MALRD1: variants seen among roughly 807,000 people sequenced by gnomAD.
The protein encoded by MALRD1 is MAM and LDL-receptor class A domain-containing protein 1.
In MALRD1, 247 loss-of-function variants were observed where a neutral mutation model predicts 242.1. That is an observed-to-expected ratio of 1.02 (90% confidence interval 0.92 to 1.13). The LOEUF (loss-of-function observed/expected upper bound fraction) is 1.13, where lower values mean the gene tolerates loss of function less well. Ranked by LOEUF, MALRD1 falls within the 50% of genes most tolerant of loss-of-function variation. MALRD1 has a pLI of 0.00. For synonymous variants in MALRD1, 995 were observed against 866.6 expected (o/e 1.15, Z -2.60); for missense variants, 2,989 against 2,533.1 (o/e 1.18, Z -3.86).
chr10:19,664,289 A>G (rs953728636), intron 36 of MALRD1, among the ~76,000 whole-genome samples: 1 of 152,098 alleles, frequency 6.6e-6, no homozygotes, highest in Admixed American at 6.5e-5. Flanking sequence ...GATTAATTAG[A>G]TCTAATTTAA....
intron 31 of MALRD1, among the ~76,000 whole-genome samples, chr10:19,499,458 A>C (rs956010361): frequency 6.6e-6 from 1 of 151,920 alleles, no homozygotes; most frequent in Non-Finnish European, 1.5e-5. Context: ...AAAAAAAAAA[A>C]AAAACCAGCC....
At chr10:19,670,066 GCACACACACACA>G (rs3071775) in intron 36 of MALRD1, among the ~76,000 whole-genome samples, 1 of 148,254 alleles carries the variant, frequency 6.7e-6, no homozygotes, top group East Asian at 2.0e-4. Flanking sequence ...CCTCGCACGT[GCACACACACACA>G]CACACACACA....
Position 19,389,503 on chromosome 10 carries a change from C to CA in MALRD1, c.4740dup (p.His1581ThrfsTer48). ...GCAGTGGGCCTTCGGGGTGACAAAG[C>CA]ACACTTCAGGAGTACCATGTGGCGA... is the stretch of plus-strand genomic sequence containing the variant. On this transcript the variant is annotated frameshift_variant, in exon 28 of 40. Transcript: ENST00000454679. LOFTEE classifies it high-confidence loss of function. 6.5e-7 allele frequency: 1 copy of CA among 1,549,358 alleles called. No homozygotes were observed. Among genetic ancestry groups the CA allele is most frequent in the Non-Finnish European group, 8.7e-7 (1 of 1,146,940 alleles).
chr10:19,186,982 G>A (rs1485103576), intron 14 of MALRD1, among the ~76,000 whole-genome samples: 1 of 152,102 alleles, frequency 6.6e-6, no homozygotes, highest in Non-Finnish European at 1.5e-5. Context: ...ACACACCACT[G>A]TAGGGAGTGA....
intron 2 of MALRD1, among the ~76,000 whole-genome samples, chr10:19,077,878 A>G (rs1279399201): frequency 6.6e-6 from 1 of 151,926 alleles, no homozygotes; most frequent in Admixed American, 6.6e-5. Flanking sequence ...GATGACAATG[A>G]TAATAAAATT....
intron 26 of MALRD1, among the ~76,000 whole-genome samples, chr10:19,364,928 G>A (rs1200965439): frequency 1.3e-5 from 2 of 152,002 alleles, no homozygotes; most frequent in Non-Finnish European, 2.9e-5. Context: ...AAGAATATTG[G>A]GGATTAGCAT....
At chr10:19,676,388 G>T (rs1842140328) in intron 36 of MALRD1, among the ~76,000 whole-genome samples, 1 of 152,176 alleles carries the variant, frequency 6.6e-6, no homozygotes, top group Non-Finnish European at 1.5e-5. Context: ...AGATATTTAG[G>T]CGAAATTGAT....
intron 19 of MALRD1, among the ~76,000 whole-genome samples, chr10:19,269,578 A>C (rs907780638): frequency 6.6e-6 from 1 of 152,210 alleles, no homozygotes; most frequent in East Asian, 1.9e-4. Context: ...CGGCCTGACC[A>C]TGTTTCTGGA....
chr10:19,594,888 A>G (rs928219695), intron 33 of MALRD1, among the ~76,000 whole-genome samples: 1 of 152,138 alleles, frequency 6.6e-6, no homozygotes, highest in Non-Finnish European at 1.5e-5. Context: ...TACAGTGTAC[A>G]CTGCTCAGGT....
chr10:19,243,633 C>A (rs899110759), intron 18 of MALRD1, among the ~76,000 whole-genome samples: 2 of 151,986 alleles, frequency 1.3e-5, no homozygotes, highest in African/African-American at 2.4e-5. Context: ...TATTTTCAAG[C>A]ATTAAGATTT....
intron 28 of MALRD1, among the ~76,000 whole-genome samples, chr10:19,440,157 C>A (rs573818524): frequency 3.1e-4 from 47 of 152,228 alleles, no homozygotes; most frequent in African/African-American, 1.0e-3. Context: ...TCACATTTTT[C>A]TGTTTTTCTG....
chr10:19,323,157 T>G (rs1430482452), intron 21 of MALRD1, among the ~76,000 whole-genome samples: 2 of 152,190 alleles, frequency 1.3e-5, no homozygotes, highest in African/African-American at 4.8e-5. Flanking sequence ...GAAGTGAAAC[T>G]GAGCTAAATC....
At chr10:19,295,553 T>C (rs1397083180) in intron 21 of MALRD1, among the ~76,000 whole-genome samples, 1 of 151,962 alleles carries the variant, frequency 6.6e-6, no homozygotes, top group African/African-American at 2.4e-5. Context: ...ATTAAATATT[T>C]ATTGTGATAT....
intron 28 of MALRD1, among the ~76,000 whole-genome samples, chr10:19,409,979 ATG>A (rs1009754472): frequency 1.3e-5 from 2 of 152,132 alleles, no homozygotes; most frequent in African/African-American, 4.8e-5. Flanking sequence ...ATCATGACAT[ATG>A]TTTAGATCTG....
At chr10:19,196,779 G>A (rs970747362) in intron 14 of MALRD1, among the ~76,000 whole-genome samples, 1 of 151,872 alleles carries the variant, frequency 6.6e-6, no homozygotes, top group Non-Finnish European at 1.5e-5. Flanking sequence ...TTCATAAATG[G>A]TACCTCCATG....
intron 11 of MALRD1, among the ~76,000 whole-genome samples, chr10:19,152,010 G>T (rs1833961993): frequency 6.6e-6 from 1 of 152,122 alleles, no homozygotes. Flanking sequence ...CATTAACAAG[G>T]TACCTGTTTT....
intron 26 of MALRD1, among the ~76,000 whole-genome samples, chr10:19,383,601 C>T (rs550158827): frequency 6.6e-6 from 1 of 151,862 alleles, no homozygotes; most frequent in East Asian, 1.9e-4. Context: ...TAAGTACATA[C>T]CTTATATGGT....
At chr10:19,083,561 A>T (rs553522143) in intron 2 of MALRD1, among the ~76,000 whole-genome samples, 165 of 152,118 alleles carry the variant, frequency 1.1e-3, no homozygotes, top group African/African-American at 3.3e-3. Flanking sequence ...AAAGCATTTT[A>T]TACTGAGCAA....
chr10:19,681,497 T>A (rs1842370786), intron 36 of MALRD1, among the ~76,000 whole-genome samples: 1 of 152,156 alleles, frequency 6.6e-6, no homozygotes, highest in Non-Finnish European at 1.5e-5. Flanking sequence ...TTGTGTTTTT[T>A]CTGCACCATC....
Sources: gnomAD v4.1 joint callset for allele counts (sites outside exome capture counted in the v4.1 genomes callset) on GRCh38, gnomAD v4.1.1 for gene constraint, MANE v1.5 for transcripts, NCBI Gene and HGNC (gene_info 2026-07-23, HGNC 2026-07-21) for gene names.